The following TECRL variants were observed in gnomAD, a reference collection of about 807,000 sequenced individuals.
TECRL encodes the protein trans-2,3-enoyl-CoA reductase like.
Under a neutral mutation model 52.8 loss-of-function variants are expected in TECRL, and 63 were observed. That is an observed-to-expected ratio of 1.19 (90% confidence interval 0.97 to 1.47). The LOEUF is 1.47. Among genes scored for constraint, TECRL ranks in the 40% most tolerant of loss-of-function variants. TECRL has a pLI of 0.00. For synonymous variants in TECRL, 164 were observed against 141.9 expected, an observed-to-expected ratio of 1.16 and a Z score of -1.10; for missense variants, 482 against 429.6, an observed-to-expected ratio of 1.12 and a Z score of -1.08.
chr4:64,358,226 C>T (rs1720916910), intron 2 of TECRL, among the ~76,000 whole-genome samples: 1 of 151,694 alleles, frequency 6.6e-6, no homozygotes, highest in Non-Finnish European at 1.5e-5. Flanking sequence ...CTCATTCTTA[C>T]AAATATGACT....
In TECRL at chr4:64,290,658, A is replaced by G. The variant is rs1723329413; in HGVS notation, c.775-891T>C. Among the ~76,000 whole-genome samples the G allele has an allele frequency of 4.6e-5, 7 of 152,206 alleles. 1 individual carries two copies. In the South Asian group the frequency reaches 1.5e-3, roughly 32 times the overall value. ...ATTTTTCATATATAATAATAGTTCT[A>G]TGGACTTTAATTTCTGGATGTTTCT... On this transcript the variant is annotated intron_variant, in intron 8 of 11. Coordinates refer to ENST00000381210, the MANE Select transcript of TECRL (RefSeq NM_001010874.5).
At chr4:64,391,343 T>C (rs1223604371) in intron 1 of TECRL, among the ~76,000 whole-genome samples, 5 of 151,848 alleles carry the variant, frequency 3.3e-5, no homozygotes, top group Admixed American at 3.3e-4. Context: ...CTCAAATGTA[T>C]ATTACCAGCA....
intron 5 of TECRL, among the ~76,000 whole-genome samples, chr4:64,312,555 A>T (rs991936244): frequency 2.0e-5 from 3 of 152,070 alleles, no homozygotes; most frequent in Non-Finnish European, 4.4e-5. Context: ...TGAGCCCAGG[A>T]GTTCAAGAAC....
chr4:64,389,724 C>T (rs904694277), intron 1 of TECRL, among the ~76,000 whole-genome samples: 1 of 151,568 alleles, frequency 6.6e-6, no homozygotes, highest in South Asian at 2.1e-4. Flanking sequence ...TCCATCTGGT[C>T]CTGGTACTAC....
intron 1 of TECRL, among the ~76,000 whole-genome samples, chr4:64,402,277 A>G (rs546166579): frequency 3.0e-4 from 45 of 152,126 alleles, no homozygotes; most frequent in African/African-American, 9.6e-4. Flanking sequence ...TTTTTTTTAA[A>G]CTTCTATTTT....
intron 2 of TECRL, among the ~76,000 whole-genome samples, chr4:64,355,802 A>AAAAAAG (rs2109591243): frequency 1.2e-5 from 1 of 80,458 alleles, no homozygotes; most frequent in South Asian, 4.3e-4. Context: ...CTCAAAAAAA[A>AAAAAAG]AAAAGAATAA....
chr4:64,365,671 A>G (rs10025479), intron 2 of TECRL, among the ~76,000 whole-genome samples: 136,606 of 152,010 alleles, frequency 0.9, 62,047 homozygotes, highest in East Asian at 1. Context: ...ATAGCTAATC[A>G]GAGAGGTAGA....
At chr4:64,294,917 T>G (rs942836096) in intron 8 of TECRL, among the ~76,000 whole-genome samples, 3 of 152,062 alleles carry the variant, frequency 2.0e-5, no homozygotes, top group African/African-American at 4.8e-5. Flanking sequence ...AATTTCTACT[T>G]TAATAGATAA....
At chr4:64,391,479 A>C (rs1004252655) in intron 1 of TECRL, among the ~76,000 whole-genome samples, 1 of 151,848 alleles carries the variant, frequency 6.6e-6, no homozygotes, top group African/African-American at 2.4e-5. Context: ...TAGGCAAAAA[A>C]CTGTGTCTAC....
chr4:64,296,077 T>C lies in TECRL; in HGVS notation c.774+3897A>G, dbSNP rs116053397. Among the ~76,000 whole-genome samples the C allele has an allele frequency of 5.6e-3, 852 of 152,058 alleles. 2 individuals are homozygous for C. Among genetic ancestry groups the C allele is most frequent in the African/African-American group, 0.019 (810 of 41,540 alleles). ...AAATCCTTTTATTGGTACCTATCAA[T>C]GGTAGGTAAGTGATCAGAAAATTTG... On this transcript the variant is annotated intron_variant, in intron 8 of 11. Coordinates refer to ENST00000381210, the MANE Select transcript of TECRL (RefSeq NM_001010874.5).
At chr4:64,381,859 G>A (rs189632464) in intron 1 of TECRL, among the ~76,000 whole-genome samples, 37 of 150,732 alleles carry the variant, frequency 2.5e-4, no homozygotes, top group African/African-American at 7.3e-4. Flanking sequence ...TACTATTTGC[G>A]TGTGTGTGTG....
At position 64,323,042 on chromosome 4, in the gene TECRL, C is replaced by G. The variant is rs78027344; in HGVS notation, c.332-250G>C. Among the ~76,000 whole-genome samples, 865 of 152,134 alleles carry G rather than the reference C, an allele frequency of 5.7e-3. 2 individuals carry two copies. The highest frequency in any genetic ancestry group is 0.02 in the African/African-American group (823 of 41,504). On this transcript the variant is annotated intron_variant, in intron 3 of 11. Transcript: ENST00000381210. ...AATTTAGACTACCATTAGTTACTAT[C>G]CTATTATTTCTGAGAACATGTTATA... is the stretch of plus-strand genomic sequence containing the variant.
chr4:64,337,366 C>T (rs1195546109), intron 2 of TECRL, among the ~76,000 whole-genome samples: 2 of 152,100 alleles, frequency 1.3e-5, no homozygotes, highest in African/African-American at 2.4e-5. Context: ...AAAACTGGCA[C>T]AAGACAGGAA....
At chr4:64,365,467 C>A (rs1721528607) in intron 2 of TECRL, among the ~76,000 whole-genome samples, 1 of 152,044 alleles carries the variant, frequency 6.6e-6, no homozygotes, top group African/African-American at 2.4e-5. Context: ...GGATATGATT[C>A]TGTATCCGGA....
intron 9 of TECRL, among the ~76,000 whole-genome samples, chr4:64,285,635 A>T (rs1723041499): frequency 6.6e-6 from 1 of 152,142 alleles, no homozygotes; most frequent in Non-Finnish European, 1.5e-5. Flanking sequence ...TAATGCATTG[A>T]GTATGTAGCT....
At chr4:64,397,871 CAG>C (rs1398107401) in intron 1 of TECRL, 2 of 148,586 alleles carry the variant, frequency 1.3e-5, no homozygotes, top group Non-Finnish European at 3.0e-5. Context: ...GGTTGATATT[CAG>C]TAAAAATTAA....
At chr4:64,353,177 A>G (rs1021751378) in intron 2 of TECRL, among the ~76,000 whole-genome samples, 1 of 152,196 alleles carries the variant, frequency 6.6e-6, no homozygotes, top group Non-Finnish European at 1.5e-5. Flanking sequence ...CTGAGAAGTG[A>G]AGATATAAAC....
intron 2 of TECRL, among the ~76,000 whole-genome samples, chr4:64,343,036 A>T (rs1326774304): frequency 1.3e-5 from 2 of 152,120 alleles, no homozygotes; most frequent in African/African-American, 2.4e-5. Context: ...GTACAGTTAA[A>T]ATTATGTTTC....
At chr4:64,345,912 A>AAAAAAAAAAAC (rs1719931421) in intron 2 of TECRL, among the ~76,000 whole-genome samples, 1 of 138,674 alleles carries the variant, frequency 7.2e-6, no homozygotes, top group Non-Finnish European at 1.5e-5. Context: ...AACAGCAAAA[A>AAAAAAAAAAAC]AAAAAAAAAA....
Sources: gnomAD v4.1 joint callset for allele counts (sites outside exome capture counted in the v4.1 genomes callset) on GRCh38, gnomAD v4.1.1 for gene constraint, MANE v1.5 for transcripts, NCBI Gene and HGNC (gene_info 2026-07-23, HGNC 2026-07-21) for gene names.